Variants in PEAK1 observed in about 807,000 individuals in gnomAD.
PEAK1 encodes the protein inactive tyrosine-protein kinase PEAK1.
A neutral mutation model predicts 124.7 loss-of-function variants in PEAK1; 54 were observed. That is an observed-to-expected ratio of 0.43 (90% CI 0.35 to 0.54). PEAK1 has a LOEUF of 0.54. PEAK1 is among the 20% of genes least tolerant of loss of function. PEAK1 has a pLI of 0.01. For synonymous variants in PEAK1, 719 were observed against 760.0 expected, an observed-to-expected ratio of 0.95 and a Z score of 0.89; for missense variants, 2,046 against 2,134.5, an observed-to-expected ratio of 0.96 and a Z score of 0.82.
intron 5 of PEAK1, among the ~76,000 whole-genome samples, chr15:77,280,043 T>C (rs527877322): frequency 1.0e-3 from 152 of 152,238 alleles, no homozygotes; most frequent in Admixed American, 2.1e-3. Flanking sequence ...ACAGAACTTA[T>C]GTTAAGTCAG....
At chr15:77,380,412 G>A (rs966964114) in intron 1 of PEAK1, among the ~76,000 whole-genome samples, 15 of 152,266 alleles carry the variant, frequency 9.9e-5, no homozygotes, top group Middle Eastern at 3.4e-3. Flanking sequence ...TTAAAGGCAA[G>A]ATCCCTTTTT....
intron 6 of PEAK1, among the ~76,000 whole-genome samples, chr15:77,221,522 T>C (rs2152879104): frequency 6.6e-6 from 1 of 152,224 alleles, no homozygotes; most frequent in East Asian, 1.9e-4. Context: ...CCAGGGGTAC[T>C]GAGAGAATAT....
chr15:77,106,243 G>A (rs1366219643), downstream of PEAK1: 2 of 152,204 alleles, frequency 1.3e-5, no homozygotes, highest in African/African-American at 4.8e-5. Context: ...CAGTTACAGG[G>A]AGAAGGCCTC....
At chr15:77,270,287 G>A (rs1216287833) in intron 5 of PEAK1, among the ~76,000 whole-genome samples, 1 of 152,066 alleles carries the variant, frequency 6.6e-6, no homozygotes, top group Non-Finnish European at 1.5e-5. Context: ...AGGGCAATCA[G>A]GCAGGAGAAG....
At chr15:77,237,656 G>T (rs896673698) in intron 6 of PEAK1, among the ~76,000 whole-genome samples, 2 of 151,026 alleles carry the variant, frequency 1.3e-5, no homozygotes, top group African/African-American at 4.9e-5. Context: ...ACTTTGTTCT[G>T]TCAACTTCTG....
At chr15:77,314,309 T>G (rs2064733234) in intron 2 of PEAK1, among the ~76,000 whole-genome samples, 2 of 152,010 alleles carry the variant, frequency 1.3e-5, no homozygotes, top group African/African-American at 4.8e-5. Context: ...AAAAAAAAAT[T>G]CAGTTAACCT....
At chr15:77,366,901 C>G (rs184048749) in intron 1 of PEAK1, among the ~76,000 whole-genome samples, 1 of 152,062 alleles carries the variant, frequency 6.6e-6, no homozygotes, top group Non-Finnish European at 1.5e-5. Context: ...TTTGGGAGGC[C>G]GAGGCAGGTG....
rs950831141 is a variant in PEAK1, at chr15:77,331,042, A to C, written c.-603+34121T>G. On this transcript the variant is annotated intron_variant, in intron 2 of 9. Coordinates refer to ENST00000682557, the MANE Select transcript of PEAK1 (RefSeq NM_001385026.1). ...TCAACTTTTGTCATTTACTATTAGC[A>C]TTCCTAATTATTGCATAGCATTCCA... 5.8e-6 allele frequency: 5 copies of C among 869,008 alleles called. No individual in the cohort carries two copies. The African/African-American group carries it at 7.3e-5, about 13-fold the overall frequency. The allele number at this position is 869,008 out of a possible 1,614,324, so 53.8% of individuals were successfully genotyped here.
At chr15:77,313,905 A>G (rs1431667618) in intron 2 of PEAK1, among the ~76,000 whole-genome samples, 3 of 151,660 alleles carry the variant, frequency 2.0e-5, no homozygotes, top group East Asian at 1.9e-4. Flanking sequence ...AAAGAGTAGT[A>G]TATGGAAAGA....
chr15:77,262,357 G>C (rs560091204), intron 5 of PEAK1, among the ~76,000 whole-genome samples: 23 of 152,114 alleles, frequency 1.5e-4, no homozygotes, highest in Non-Finnish European at 2.8e-4. Context: ...GCTGTATTCA[G>C]GAAACCCATC....
chr15:77,261,568 T>TA lies in PEAK1; in HGVS notation c.-274-9043dup, dbSNP rs1181631485. 2.9e-3 allele frequency among the ~76,000 whole-genome samples: 429 copies of TA among 150,260 alleles called. 1 individual carries two copies. The highest frequency in any genetic ancestry group is 0.01 in the African/African-American group (415 of 40,974). On this transcript the variant is annotated intron_variant, in intron 5 of 9. Transcript: ENST00000682557. ...GAAATGCGAGTTTAGAAAAAAAGAA[T>TA]AAAAAAAAAGAACAAAGCCTCCAAC...
chr15:77,101,446 C>T (rs1180438438), exon 7 of PEAK1: 1 of 152,144 alleles, frequency 6.6e-6, no homozygotes, highest in African/African-American at 2.4e-5. Flanking sequence ...AAGTAAATAC[C>T]CACTCAGAGT....
chr15:77,420,783 A>T, upstream of PEAK1: 1 of 398,512 alleles, frequency 2.5e-6, no homozygotes. Context: ...GAGCAATTGT[A>T]AATGCTATGC....
chr15:77,334,024 C>G (rs1278195086), intron 2 of PEAK1: 2 of 562,530 alleles, frequency 3.6e-6, no homozygotes, highest in African/African-American at 4.1e-5. Flanking sequence ...CTGAGTCCTG[C>G]TTATTAGAAA....
At chr15:77,212,184 G>A (rs1196243441) in intron 6 of PEAK1, among the ~76,000 whole-genome samples, 1 of 152,186 alleles carries the variant, frequency 6.6e-6, no homozygotes, top group African/African-American at 2.4e-5. Flanking sequence ...CTCAGGGAAA[G>A]TGAACATTCC....
intron 1 of PEAK1, among the ~76,000 whole-genome samples, chr15:77,399,166 T>C (rs924147786): frequency 6.6e-6 from 1 of 152,142 alleles, no homozygotes; most frequent in African/African-American, 2.4e-5. Context: ...ATCAATATTG[T>C]TAAAATGTCC....
intron 2 of PEAK1, among the ~76,000 whole-genome samples, chr15:77,316,499 G>A (rs1351958292): frequency 6.6e-6 from 1 of 152,088 alleles, no homozygotes; most frequent in East Asian, 1.9e-4. Flanking sequence ...TCTCTAATAA[G>A]CACTTACATA....
intron 7 of PEAK1, among the ~76,000 whole-genome samples, chr15:77,174,138 C>T (rs780779165): frequency 1.3e-5 from 2 of 152,182 alleles, no homozygotes; most frequent in African/African-American, 2.4e-5. Context: ...ATGGCAAATA[C>T]ATGGCACAGT....
intron 2 of PEAK1, among the ~76,000 whole-genome samples, chr15:77,326,128 A>G (rs1168995296): frequency 6.6e-6 from 1 of 152,122 alleles, no homozygotes; most frequent in Non-Finnish European, 1.5e-5. Context: ...CCATTTGCTA[A>G]GCCATTTTAG....
Sources: gnomAD v4.1 joint callset for allele counts (sites outside exome capture counted in the v4.1 genomes callset) on GRCh38, gnomAD v4.1.1 for gene constraint, MANE v1.5 for transcripts, NCBI Gene and HGNC (gene_info 2026-07-23, HGNC 2026-07-21) for gene names.